CSNK1G1: variants seen among roughly 807,000 people sequenced by gnomAD.
The protein encoded by CSNK1G1 is casein kinase I isoform gamma-1.
In CSNK1G1, 22 loss-of-function variants were observed where a neutral mutation model predicts 59.6. The observed-to-expected ratio is 0.37, with a 90% CI of 0.26 to 0.53. CSNK1G1 has a LOEUF of 0.53. CSNK1G1 is among the 20% of genes least tolerant of loss of function. The pLI is 0.89. For missense variants in CSNK1G1, 384 were observed against 519.5 expected, an observed-to-expected ratio of 0.74 and a Z score of 2.54; for synonymous variants, 179 against 177.1, an observed-to-expected ratio of 1.01 and a Z score of -0.08.
At chr15:64,327,692 G>C (rs1896923278) in intron 1 of CSNK1G1, among the ~76,000 whole-genome samples, 2 of 151,974 alleles carry the variant, frequency 1.3e-5, no homozygotes, top group Non-Finnish European at 2.9e-5. Context: ...TTGACGAGGT[G>C]AGAGAAGAAG....
chr15:64,264,719 T>C (rs575419978), intron 2 of CSNK1G1, among the ~76,000 whole-genome samples: 2 of 152,190 alleles, frequency 1.3e-5, no homozygotes, highest in South Asian at 2.1e-4. Context: ...TGCTTGAATA[T>C]ATGCATATCA....
At chr15:64,257,829 A>T (rs1042770278) in intron 3 of CSNK1G1, among the ~76,000 whole-genome samples, 4 of 152,226 alleles carry the variant, frequency 2.6e-5, no homozygotes, top group South Asian at 2.1e-4. Context: ...TGTTCGGTTA[A>T]TCCTCTAATA....
intron 1 of CSNK1G1, among the ~76,000 whole-genome samples, chr15:64,319,613 T>C (rs1456479511): frequency 6.6e-6 from 1 of 152,122 alleles, no homozygotes; most frequent in East Asian, 1.9e-4. Flanking sequence ...TGGCACGATC[T>C]CGCTCACTGC....
intron 10 of CSNK1G1, among the ~76,000 whole-genome samples, chr15:64,184,159 C>T (rs904682660): frequency 2.0e-5 from 3 of 151,594 alleles, no homozygotes; most frequent in African/African-American, 4.8e-5. Context: ...AAAAATTAGC[C>T]GGGCATGGTG....
At chr15:64,203,010 C>G in intron 10 of CSNK1G1, 72 bp downstream of exon 10, 1 of 1,071,834 alleles carries the variant, frequency 9.3e-7, no homozygotes, top group South Asian at 1.3e-5. Flanking sequence ...AGCGGAGAAG[C>G]TGAAGAATTT....
chr15:64,291,166 G>A (rs932319435), intron 2 of CSNK1G1, among the ~76,000 whole-genome samples: 9 of 152,138 alleles, frequency 5.9e-5, no homozygotes. Context: ...GGTTAATTAG[G>A]TGTTTGGCTG....
intron 2 of CSNK1G1, among the ~76,000 whole-genome samples, chr15:64,295,185 C>T (rs997732354): frequency 1.3e-5 from 2 of 152,146 alleles, no homozygotes; most frequent in South Asian, 4.1e-4. Context: ...CCTGCCTTCC[C>T]AACCACTCTC....
intron 10 of CSNK1G1, among the ~76,000 whole-genome samples, chr15:64,185,183 G>A (rs1236867041): frequency 2.0e-5 from 3 of 152,214 alleles, no homozygotes; most frequent in Admixed American, 6.5e-5. Context: ...GCCTTCATGT[G>A]CCTTATCAGA....
At chr15:64,354,633 G>T (rs1898537257) in intron 1 of CSNK1G1, among the ~76,000 whole-genome samples, 1 of 151,920 alleles carries the variant, frequency 6.6e-6, no homozygotes. Flanking sequence ...TTATCCGGTT[G>T]CTTTCCTATC....
chr15:64,220,426 G>A (rs1385329163), intron 4 of CSNK1G1, among the ~76,000 whole-genome samples: 2 of 151,658 alleles, frequency 1.3e-5, no homozygotes, highest in Non-Finnish European at 2.9e-5. Flanking sequence ...ATAGCAACTT[G>A]CCCAGTTATA....
chr15:64,227,306 C>T (rs956018835), intron 4 of CSNK1G1, among the ~76,000 whole-genome samples: 3 of 152,176 alleles, frequency 2.0e-5, no homozygotes, highest in African/African-American at 7.2e-5. Flanking sequence ...ATGAATACTC[C>T]AAGTAAATTC....
At chr15:64,195,931 T>C (rs1596076262) in intron 10 of CSNK1G1, among the ~76,000 whole-genome samples, 1 of 152,286 alleles carries the variant, frequency 6.6e-6, no homozygotes, top group Non-Finnish European at 1.5e-5. Context: ...AAATTTATGT[T>C]CAAAAAAATT....
chr15:64,258,410 A>AAAAAG (rs1204235198), intron 3 of CSNK1G1, among the ~76,000 whole-genome samples: 3 of 151,842 alleles, frequency 2.0e-5, no homozygotes, highest in African/African-American at 4.8e-5. Context: ...AGAAAGAAAG[A>AAAAAG]AAAAGAAAAG....
chr15:64,307,441 T>C (rs1446093794), intron 1 of CSNK1G1, among the ~76,000 whole-genome samples: 1 of 152,136 alleles, frequency 6.6e-6, no homozygotes, highest in East Asian at 1.9e-4. Flanking sequence ...TGGCCAGGCA[T>C]GGTGGCTCAT....
intron 10 of CSNK1G1, among the ~76,000 whole-genome samples, chr15:64,192,013 A>G (rs1054345977): frequency 2.6e-5 from 4 of 152,234 alleles, no homozygotes; most frequent in Non-Finnish European, 5.9e-5. Flanking sequence ...AAGAAAGCTG[A>G]CAACTACAGC....
intron 1 of CSNK1G1, among the ~76,000 whole-genome samples, chr15:64,344,645 A>C (rs1248250513): frequency 6.6e-6 from 1 of 152,158 alleles, no homozygotes; most frequent in African/African-American, 2.4e-5. Context: ...CTCCTGGAAA[A>C]TTTACTTCTT....
At chr15:64,333,952 G>A (rs1034213596) in intron 1 of CSNK1G1, among the ~76,000 whole-genome samples, 7 of 151,924 alleles carry the variant, frequency 4.6e-5, no homozygotes, top group African/African-American at 1.7e-4. Context: ...AATAATAATG[G>A]GGGACTTCAA....
rs1009051953 is a variant in CSNK1G1 at position 64,200,622 on chromosome 15, A to G, written c.1107+2460T>C. 7.2e-5 allele frequency among the ~76,000 whole-genome samples: 11 copies of G among 152,230 alleles called. No individual in the cohort carries two copies. Among genetic ancestry groups the G allele is most frequent in the Non-Finnish European group, 1.5e-4 (10 of 68,028 alleles). On this transcript the variant is annotated intron_variant, in intron 10 of 11. Coordinates refer to ENST00000303052, the MANE Select transcript of CSNK1G1 (RefSeq NM_022048.5). The surrounding 1 kb of genome is among the most constrained non-coding windows in gnomAD (Gnocchi z 4.3). ...CGGCCTCCCAAAGTGCTGGGATTAC[A>G]GGCGTGAGCCACTGCGCCTGGCCGC... is the stretch of plus-strand genomic sequence containing the variant.
intron 2 of CSNK1G1, among the ~76,000 whole-genome samples, chr15:64,263,131 A>G (rs2140336076): frequency 6.6e-6 from 1 of 151,412 alleles, no homozygotes; most frequent in South Asian, 2.1e-4. Context: ...GGGCACTTAC[A>G]TATTTGTTTC....
Sources: allele counts gnomAD v4.1 joint callset (sites outside exome capture counted in the v4.1 genomes callset), GRCh38; gene constraint gnomAD v4.1.1; non-coding constraint Gnocchi (gnomAD v3.1); transcripts MANE v1.5; gene names NCBI Gene and HGNC (gene_info 2026-07-23, HGNC 2026-07-21).